The following RCL1 variants were observed in gnomAD, a reference collection of about 807,000 sequenced individuals.
The protein encoded by RCL1 is RNA 3'-terminal phosphate cyclase-like protein.
Under a neutral mutation model 42.4 loss-of-function variants are expected in RCL1, and 24 were observed. The observed-to-expected ratio is 0.57, with a 90% CI of 0.41 to 0.80. The LOEUF (loss-of-function observed/expected upper bound fraction) is 0.80, where lower values mean the gene tolerates loss of function less well. RCL1 is among the 30% of genes least tolerant of loss of function. The probability of loss-of-function intolerance (pLI) is 0.00; values close to 1 mark genes in which losing one functional copy is unlikely to be tolerated. For missense variants in RCL1, 578 were observed against 467.9 expected, an observed-to-expected ratio of 1.24 and a Z score of -2.17; for synonymous variants, 228 against 177.3, an observed-to-expected ratio of 1.29 and a Z score of -2.27.
intron 1 of RCL1, among the ~76,000 whole-genome samples, chr9:4,809,158 T>G (rs841986): frequency 0.29 from 43,531 of 151,972 alleles, 7,371 homozygotes; most frequent in Middle Eastern, 0.43. Context: ...ACCAATTTAT[T>G]TAACCATTCC....
chr9:4,818,809 T>G lies in RCL1; in HGVS notation c.137-4739T>G, dbSNP rs139513489. Among the ~76,000 whole-genome samples the G allele has an allele frequency of 5.0e-3, 744 of 149,818 alleles. 5 individuals are homozygous for G. The highest frequency in any genetic ancestry group is 0.018 in the African/African-American group (721 of 40,614). ...ATTGGTTGAACCCTGGAGGCGGAGG[T>G]TGTAGTGAGCTGAGGTCTTGCCAGT... On this transcript the variant is annotated intron_variant, in intron 1 of 8. Transcript: ENST00000381750.
At chr9:4,856,738 G>C (rs558873206) in intron 8 of RCL1, among the ~76,000 whole-genome samples, 26 of 152,294 alleles carry the variant, frequency 1.7e-4, no homozygotes, top group Admixed American at 1.4e-3. Flanking sequence ...AGATGAAGTT[G>C]CACATTCCTA....
intron 5 of RCL1, chr9:4,836,789 G>C (rs925938151): frequency 6.6e-6 from 1 of 152,434 alleles, no homozygotes; most frequent in Non-Finnish European, 1.5e-5. Flanking sequence ...GCAGGGAGTA[G>C]GGTGGGCTGC....
chr9:4,857,719 A>G (rs570463087), intron 8 of RCL1, among the ~76,000 whole-genome samples: 3 of 152,272 alleles, frequency 2.0e-5, no homozygotes, highest in South Asian at 4.1e-4. Context: ...ACCGTTTTAC[A>G]TTCCCACCAG....
Position 4,800,000 on chromosome 9 carries a change from A to G in RCL1, c.136+6773A>G, listed in dbSNP as rs536884629. 4.6e-5 allele frequency among the ~76,000 whole-genome samples: 7 copies of G among 152,304 alleles called. No homozygotes were observed. In the South Asian group the frequency reaches 1.0e-3, roughly 23 times the overall value. ...TAGCCTGAGGTTATCTAGAGTCACT[A>G]TAAGGACTGGCTTTTTTTCAGTCAG... On this transcript the variant is annotated intron_variant, in intron 1 of 8. Transcript: ENST00000381750.
At chr9:4,817,478 T>A (rs1391451081) in intron 1 of RCL1, among the ~76,000 whole-genome samples, 3 of 151,396 alleles carry the variant, frequency 2.0e-5, no homozygotes, top group Non-Finnish European at 4.4e-5. Flanking sequence ...AATCTTTTTT[T>A]TTTTTTCTTT....
At chr9:4,832,296 T>C (rs148697940) in intron 3 of RCL1, among the ~76,000 whole-genome samples, 25 of 152,272 alleles carry the variant, frequency 1.6e-4, no homozygotes, top group African/African-American at 6.0e-4. Context: ...AGTTTGAGGC[T>C]GTCATCACCC....
intron 8 of RCL1, among the ~76,000 whole-genome samples, chr9:4,853,823 T>G (rs993162485): frequency 1.3e-5 from 2 of 152,162 alleles, no homozygotes; most frequent in Admixed American, 1.3e-4. Flanking sequence ...GTTAATGACC[T>G]TTTTCCATGA....
In RCL1 at chr9:4,860,538, C is replaced by A; in HGVS notation, c.*263C>A. On this transcript the variant is annotated 3_prime_UTR_variant, in exon 9 of 9. Coordinates refer to ENST00000381750, the MANE Select transcript of RCL1 (RefSeq NM_005772.5). Reference sequence around the variant, plus strand: ...CTTACCTGGAGGAAGAATGTGCCTTCAGGCCACAGTCGTGCTGCTAGAACA... The same window carrying A: ...CTTACCTGGAGGAAGAATGTGCCTTAAGGCCACAGTCGTGCTGCTAGAACA... 1 of 428,450 alleles carries A rather than the reference C, an allele frequency of 2.3e-6. No individual in the cohort carries two copies. 26.5% of individuals were successfully genotyped at this position (428,450 alleles called of 1,614,324 possible).
At chr9:4,842,001 A>G (rs1218437542) in intron 6 of RCL1, among the ~76,000 whole-genome samples, 1 of 152,254 alleles carries the variant, frequency 6.6e-6, no homozygotes, top group Non-Finnish European at 1.5e-5. Flanking sequence ...TTAAAATAGG[A>G]AAGTGTTAAA....
intron 7 of RCL1, among the ~76,000 whole-genome samples, chr9:4,849,067 C>T (rs974664544): frequency 6.6e-6 from 1 of 151,178 alleles, no homozygotes; most frequent in African/African-American, 2.4e-5. Context: ...TTGGAATTAA[C>T]TCTACATCTT....
chr9:4,845,564 C>T (rs1188669819), intron 7 of RCL1, among the ~76,000 whole-genome samples: 1 of 152,156 alleles, frequency 6.6e-6, no homozygotes, highest in Non-Finnish European at 1.5e-5. Flanking sequence ...AAGATATATT[C>T]CCTGAGATCC....
chr9:4,852,458 G>A (rs1817784525), intron 8 of RCL1, among the ~76,000 whole-genome samples: 1 of 152,172 alleles, frequency 6.6e-6, no homozygotes, highest in Non-Finnish European at 1.5e-5. Context: ...GAATGAGACT[G>A]CAGTTACCAG....
At chr9:4,859,899 A>T (rs1285866825) in intron 8 of RCL1, among the ~76,000 whole-genome samples, 1 of 152,002 alleles carries the variant, frequency 6.6e-6, no homozygotes. Context: ...TTCCCCCCCC[A>T]GTTTAATTTA....
chr9:4,826,135 C>G (rs1587712322), intron 2 of RCL1, among the ~76,000 whole-genome samples: 1 of 151,942 alleles, frequency 6.6e-6, no homozygotes, highest in African/African-American at 2.4e-5. Flanking sequence ...GTGGTCCCAG[C>G]TATTCTGGAG....
rs111255000 is a variant in RCL1 at position 4,828,874 on chromosome 9, C to A, written c.384+1841C>A. ...TAGGAGTATCTGCTTTTGCCAGCTG[C>A]ATGACTAAAATGACCTTGGTTGGTA... On this transcript the variant is annotated intron_variant, in intron 3 of 8. Coordinates refer to ENST00000381750, the MANE Select transcript of RCL1 (RefSeq NM_005772.5). Among the ~76,000 whole-genome samples, 1,366 of 152,288 alleles carry A rather than the reference C, an allele frequency of 9.0e-3. 25 individuals carry two copies. The highest frequency in any genetic ancestry group is 0.031 in the African/African-American group (1,292 of 41,542).
intron 1 of RCL1, among the ~76,000 whole-genome samples, chr9:4,815,157 C>G (rs1217375664): frequency 6.6e-6 from 1 of 152,142 alleles, no homozygotes. Flanking sequence ...GTTCATACCT[C>G]TTATCAGCCT....
rs534432601 is a variant in RCL1 at position 4,823,679 on chromosome 9, C to T, written c.208+60C>T. The T allele has an allele frequency of 3.3e-6, 4 of 1,211,848 alleles. No individual in the cohort carries two copies. The South Asian group carries it at 4.1e-5, about 13-fold the overall frequency. 75.1% of individuals were successfully genotyped at this position (1,211,848 alleles called of 1,614,324 possible). On this transcript the variant is annotated intron_variant, in intron 2 of 8. Transcript: ENST00000381750. ...TGCACTAAAGCATTCCTGTTTCTCA[C>T]TCTTTTTTTTCTTTCCTTTTTTTTT...
intron 3 of RCL1, among the ~76,000 whole-genome samples, chr9:4,827,747 T>C (rs1364863711): frequency 8.4e-6 from 1 of 119,468 alleles, no homozygotes; most frequent in Non-Finnish European, 1.8e-5. Context: ...TGTGTGTGTG[T>C]GTGTGTGTGC....
Sources: allele counts gnomAD v4.1 joint callset (sites outside exome capture counted in the v4.1 genomes callset), GRCh38; gene constraint gnomAD v4.1.1; transcripts MANE v1.5; gene names NCBI Gene and HGNC (gene_info 2026-07-23, HGNC 2026-07-21).